The following LLGL2 variants were observed in gnomAD, a reference collection of about 807,000 sequenced individuals.
LLGL2 encodes LLGL2, scribble cell polarity complex component.
LLGL2 carries 81 observed loss-of-function variants against 123.2 expected under a neutral mutation model. That is an observed-to-expected ratio of 0.66 (90% CI 0.55 to 0.79). The LOEUF (loss-of-function observed/expected upper bound fraction) is 0.79, where lower values mean the gene tolerates loss of function less well. LLGL2 is among the 30% of genes least tolerant of loss of function. The probability of loss-of-function intolerance (pLI) is 0.00; values close to 1 mark genes in which losing one functional copy is unlikely to be tolerated. For missense variants in LLGL2, 1,273 were observed against 1,414.6 expected (o/e 0.90, Z 1.61); for synonymous variants, 577 against 594.1 (o/e 0.97, Z 0.42).
chr17:75,562,897 T>C, intron 6 of LLGL2, 119 bp from the exon 7 acceptor site: 1 of 1,274,412 alleles, frequency 7.8e-7, no homozygotes, highest in Non-Finnish European at 1.1e-6. Flanking sequence ...CCTAGCCATA[T>C]TTCTATGCTG....
At chr17:75,550,859 C>A (rs962349407) in intron 2 of LLGL2, among the ~76,000 whole-genome samples, 2 of 151,654 alleles carry the variant, frequency 1.3e-5, no homozygotes, top group Non-Finnish European at 2.9e-5. Context: ...GCCCATGGAG[C>A]CTTCGTTCTT....
At chr17:75,570,810 G>A in intron 16 of LLGL2, 140 bp from the exon 17 acceptor site, 2 of 1,155,962 alleles carry the variant, frequency 1.7e-6, no homozygotes, top group Non-Finnish European at 2.4e-6. Context: ...TCTTGGACAA[G>A]GGTCCCTCTA....
chr17:75,535,767 C>T (rs1266962952), intron 1 of LLGL2, among the ~76,000 whole-genome samples: 4 of 152,198 alleles, frequency 2.6e-5, no homozygotes, highest in African/African-American at 7.2e-5. Context: ...AGATGGAAGG[C>T]GGGCCAGGGT....
intron 1 of LLGL2, among the ~76,000 whole-genome samples, chr17:75,541,766 G>C (rs931307434): frequency 1.1e-5 from 1 of 88,132 alleles, no homozygotes; most frequent in South Asian, 4.2e-4. Flanking sequence ...TTTTTGCTCT[G>C]TTGCCCAGGC....
At chr17:75,560,354 A>G (rs2055145128) in intron 6 of LLGL2, among the ~76,000 whole-genome samples, 1 of 152,200 alleles carries the variant, frequency 6.6e-6, no homozygotes, top group Admixed American at 6.5e-5. Flanking sequence ...ACGGCATGGG[A>G]CCTGCGCCCC....
chr17:75,556,259 C>A, intron 3 of LLGL2, 116 bp downstream of exon 3: 1 of 802,206 alleles, frequency 1.2e-6, no homozygotes, highest in South Asian at 1.7e-5. Flanking sequence ...AGGGACTTTC[C>A]TGATTTCCAG....
chr17:75,557,636 C>T (rs965088451), intron 3 of LLGL2, among the ~76,000 whole-genome samples: 21 of 152,144 alleles, frequency 1.4e-4, no homozygotes, highest in South Asian at 4.1e-4. Context: ...ATGGAGCACT[C>T]GAGTTCCAGG....
At position 75,574,186 on chromosome 17, in the gene LLGL2, C is replaced by T. The variant is rs548894321; in HGVS notation, c.2906-27C>T. The T allele has an allele frequency of 7.5e-5, 114 of 1,519,492 alleles. No homozygotes were observed. In the South Asian group the frequency reaches 1.2e-3, roughly 16 times the overall value. 94.1% of individuals were successfully genotyped at this position (1,519,492 alleles called of 1,614,324 possible). A position where few individuals can be genotyped will look rare whatever the true frequency, so the allele number is the denominator to read the frequency against. ...CAGGCCGAGGAGGGCCCAGGCGGGGCGCCCTGACCCGGCCTCTACCTTCCA... is the reference window on the plus strand; with the variant it reads ...CAGGCCGAGGAGGGCCCAGGCGGGGTGCCCTGACCCGGCCTCTACCTTCCA... On this transcript the variant is annotated intron_variant, in intron 22 of 25. Transcript: ENST00000392550.
Position 75,570,145 on chromosome 17 carries a change from G to C in LLGL2, c.1764G>C (p.Pro588=). Residue 588 remains proline, a synonymous_variant, in exon 15 of 26, where the codon CCG becomes CCC. Transcript: ENST00000392550. ...TCGTGTTGGTGCAGTGTCAGCCCCC[G>C]GCTGTGGTCACCTCCTTGGCCCTGC... ...QPFVLVQCQP[P]AVVTSLALHS... The C allele has an allele frequency of 1.3e-6, 2 of 1,591,634 alleles. No homozygotes were observed. The highest frequency in any genetic ancestry group is 1.7e-6 in the Non-Finnish European group (2 of 1,169,768).
In LLGL2 at chr17:75,559,954, A is replaced by T. The variant is rs184404114; in HGVS notation, c.530+544A>T. On this transcript the variant is annotated intron_variant, in intron 6 of 25. Coordinates refer to ENST00000392550, the MANE Select transcript of LLGL2 (RefSeq NM_001031803.2). The surrounding 1 kb of genome is among the most constrained non-coding windows in gnomAD (Gnocchi z 4.6). Reference sequence around the variant, plus strand: ...GATCAGGTCCGGGTGGGAGAAGGGGACGGGGCCCAAAAAAAGAGAGGAGAT... The same window carrying T: ...GATCAGGTCCGGGTGGGAGAAGGGGTCGGGGCCCAAAAAAAGAGAGGAGAT... Among the ~76,000 whole-genome samples the T allele has an allele frequency of 3.1e-3, 470 of 152,186 alleles. 6 individuals carry two copies. Among genetic ancestry groups the T allele is most frequent in the African/African-American group, 0.011 (452 of 41,538 alleles).
chr17:75,567,150 G>A (rs1033857400), intron 10 of LLGL2, among the ~76,000 whole-genome samples: 1 of 152,132 alleles, frequency 6.6e-6, no homozygotes. Context: ...CCCCAGAGTA[G>A]CAGGGAAGAC....
chr17:75,555,970 G>A, intron 2 of LLGL2, 76 bp from the exon 3 acceptor site: 4 of 1,162,894 alleles, frequency 3.4e-6, no homozygotes, highest in Non-Finnish European at 5.1e-6. Context: ...GGGTCGTCTG[G>A]TGCTGCAGCT....
At position 75,568,476 on chromosome 17, in the gene LLGL2, C is replaced by G. The variant is rs1196379277; in HGVS notation, c.1037C>G (p.Thr346Ser). The G allele has an allele frequency of 1.2e-6, 2 of 1,611,854 alleles. No homozygotes were observed. The highest frequency in any genetic ancestry group is 1.7e-6 in the Non-Finnish European group (2 of 1,179,898). The change falls in exon 11 of 26, where the codon ACC becomes AGC. Residue 346 changes from threonine to serine, a missense_variant and splice_region_variant. Coordinates refer to ENST00000392550, the MANE Select transcript of LLGL2 (RefSeq NM_001031803.2). ...CCCTGACCCTTGCCCTGTACCCCAG[C>G]CTTTGACGACCCCTATGCCCTGGTG... ...TVLTEADPAATFDDPYALVVL... is the reference protein window; with the variant it reads ...TVLTEADPAASFDDPYALVVL...
At chr17:75,540,135 G>GC (rs2054153836) in intron 1 of LLGL2, among the ~76,000 whole-genome samples, 1 of 152,050 alleles carries the variant, frequency 6.6e-6, no homozygotes, top group African/African-American at 2.4e-5. Context: ...TGGCCTGTTG[G>GC]CCCCTAGCCC....
intron 1 of LLGL2, among the ~76,000 whole-genome samples, chr17:75,539,129 G>A (rs2054114521): frequency 6.6e-6 from 1 of 152,010 alleles, no homozygotes; most frequent in Non-Finnish European, 1.5e-5. Context: ...TGGGTTCATA[G>A]CTCACTGCAG....
Position 75,568,819 on chromosome 17 carries a change from G to C in LLGL2, c.1302G>C (p.Gln434His), listed in dbSNP as rs760487213. 1 of 1,593,784 alleles carries C rather than the reference G, an allele frequency of 6.3e-7. No individual in the cohort carries two copies. Among genetic ancestry groups the C allele is most frequent in the East Asian group, 2.2e-5 (1 of 44,708 alleles). Residue 434 changes from glutamine (Q) to histidine (H), a missense_variant, in exon 12 of 26, where the codon CAG (glutamine) becomes CAC (histidine). Physicochemically the swap from Gln to His is conservative, Grantham distance 24. Coordinates refer to ENST00000392550, the MANE Select transcript of LLGL2 (RefSeq NM_001031803.2). ...GGTSLTPAPP[Q>H]RDLLLTGHED... ...CCAGCCTGACCCCAGCCCCACCCCA[G>C]AGGGACCTGCTGCTCACAGGGTAGG...
intron 21 of LLGL2, 25 bp downstream of exon 21, chr17:75,573,656 T>TGGCCCCC: frequency 1.4e-6 from 2 of 1,429,140 alleles, no homozygotes; most frequent in Non-Finnish European, 1.9e-6. Flanking sequence ...CAGAGGCCTC[T>TGGCCCCC]CCCGCCCCTC....
At chr17:75,537,070 G>A (rs1295577525) in intron 1 of LLGL2, among the ~76,000 whole-genome samples, 5 of 152,074 alleles carry the variant, frequency 3.3e-5, no homozygotes, top group African/African-American at 7.2e-5. Flanking sequence ...TGATCCACCC[G>A]CCTCGGCCTC....
chr17:75,554,419 C>A (rs1340440134), intron 2 of LLGL2, among the ~76,000 whole-genome samples: 1 of 151,698 alleles, frequency 6.6e-6, no homozygotes. Context: ...TAAGACCAGG[C>A]TGGACAACAT....
Sources: allele counts gnomAD v4.1 joint callset (sites outside exome capture counted in the v4.1 genomes callset), GRCh38; gene constraint gnomAD v4.1.1; non-coding constraint Gnocchi (gnomAD v3.1); transcripts MANE v1.5; gene names NCBI Gene and HGNC (gene_info 2026-07-23, HGNC 2026-07-21).